The following CHN1 variants were observed in gnomAD, a reference collection of about 807,000 sequenced individuals.
CHN1 encodes the protein N-chimaerin.
CHN1 carries 37 observed loss-of-function variants against 59.5 expected under a neutral mutation model. The observed-to-expected ratio is 0.62, with a 90% CI of 0.48 to 0.82. The LOEUF (loss-of-function observed/expected upper bound fraction) is 0.82. Among genes scored for constraint, CHN1 ranks in the 40% least tolerant of loss-of-function variants. The probability of loss-of-function intolerance (pLI) is 0.00; values close to 1 mark genes in which losing one functional copy is unlikely to be tolerated. For missense variants in CHN1, 469 were observed against 571.0 expected, an observed-to-expected ratio of 0.82 and a Z score of 1.82; for synonymous variants, 206 against 200.4, an observed-to-expected ratio of 1.03 and a Z score of -0.24.
intron 1 of CHN1, among the ~76,000 whole-genome samples, chr2:174,956,253 T>C (rs985854617): frequency 3.3e-5 from 5 of 152,028 alleles, no homozygotes; most frequent in Non-Finnish European, 1.5e-5. Context: ...GAATTATCCT[T>C]CAAATCAGAA....
chr2:174,803,059 T>C (rs917400267), intron 11 of CHN1, among the ~76,000 whole-genome samples: 1 of 151,634 alleles, frequency 6.6e-6, no homozygotes, highest in Non-Finnish European at 1.5e-5. Flanking sequence ...TAAAAAAAGG[T>C]GGGTTTCAAG....
chr2:174,808,801 G>A (rs888250725), intron 11 of CHN1, 104 bp downstream of exon 11: 65 of 1,244,792 alleles, frequency 5.2e-5, no homozygotes, highest in Non-Finnish European at 6.5e-5. Context: ...GAGAGGCAAA[G>A]GGGAAACATT....
At chr2:174,955,155 T>TA (rs1491346069) in intron 1 of CHN1, among the ~76,000 whole-genome samples, 6 of 113,228 alleles carry the variant, frequency 5.3e-5, no homozygotes, top group African/African-American at 2.1e-4. Context: ...TCTATATATC[T>TA]ATGTCTATAT....
chr2:174,986,409 T>C (rs1691341948), intron 1 of CHN1, among the ~76,000 whole-genome samples: 2 of 152,312 alleles, frequency 1.3e-5, no homozygotes, highest in South Asian at 4.1e-4. Context: ...GTATGCCTAA[T>C]AACCAAAAGT....
At chr2:174,955,611 C>T (rs1462278120) in intron 1 of CHN1, among the ~76,000 whole-genome samples, 1 of 151,260 alleles carries the variant, frequency 6.6e-6, no homozygotes, top group East Asian at 1.9e-4. Context: ...CCAAACACCA[C>T]CTAAAAATCT....
chr2:174,883,795 T>TA (rs929459597), intron 5 of CHN1, among the ~76,000 whole-genome samples: 10 of 149,466 alleles, frequency 6.7e-5, no homozygotes, highest in South Asian at 4.2e-4. Flanking sequence ...TAGAATCCTG[T>TA]AAAAAAAAGG....
At chr2:174,851,747 A>G (rs1686735949) in intron 6 of CHN1, among the ~76,000 whole-genome samples, 1 of 152,236 alleles carries the variant, frequency 6.6e-6, no homozygotes, top group African/African-American at 2.4e-5. Context: ...AGGAAGTCCT[A>G]GCCAGAACAA....
intron 1 of CHN1, among the ~76,000 whole-genome samples, chr2:174,971,814 G>C (rs1189413727): frequency 6.6e-6 from 1 of 152,122 alleles, no homozygotes; most frequent in African/African-American, 2.4e-5. Context: ...TGCTAAGTTA[G>C]AAACAAGGCA....
At chr2:174,879,016 A>AAAGGCAAC (rs1427105459) in intron 5 of CHN1, among the ~76,000 whole-genome samples, 1 of 152,232 alleles carries the variant, frequency 6.6e-6, no homozygotes, top group Non-Finnish European at 1.5e-5. Context: ...GCAGATGTCA[A>AAAGGCAAC]AAGGCAACAA....
At chr2:174,955,173 T>C (rs1360784912) in intron 1 of CHN1, among the ~76,000 whole-genome samples, 2 of 11,884 alleles carry the variant, frequency 1.7e-4, no homozygotes, top group Non-Finnish European at 4.7e-4. Context: ...TATATCTCTA[T>C]ATATCTATAT....
intron 7 of CHN1, among the ~76,000 whole-genome samples, chr2:174,829,140 A>G (rs1685787757): frequency 6.6e-6 from 1 of 152,230 alleles, no homozygotes; most frequent in East Asian, 1.9e-4. Context: ...GAAAAAAAAG[A>G]CCATTTTATT....
chr2:174,819,170 A>T (rs920343717), intron 8 of CHN1, among the ~76,000 whole-genome samples: 1 of 152,238 alleles, frequency 6.6e-6, no homozygotes, highest in Admixed American at 6.5e-5. Context: ...ACTTTTAAGC[A>T]AGTCTTACCA....
intron 8 of CHN1, among the ~76,000 whole-genome samples, chr2:174,813,141 C>G (rs927780369): frequency 6.6e-6 from 1 of 152,126 alleles, no homozygotes; most frequent in Admixed American, 6.5e-5. Context: ...GAAACGGGTA[C>G]TTTTTTCCCT....
chr2:174,847,825 G>C (rs1686587355), intron 6 of CHN1: 1 of 459,908 alleles, frequency 2.2e-6, no homozygotes, highest in Non-Finnish European at 3.9e-6. Flanking sequence ...AATGAGAAAT[G>C]AATGAGTCAT....
At chr2:174,978,174 A>C (rs1009923420) in intron 1 of CHN1, among the ~76,000 whole-genome samples, 3 of 152,234 alleles carry the variant, frequency 2.0e-5, no homozygotes, top group Non-Finnish European at 4.4e-5. Flanking sequence ...TCCAGGATCC[A>C]ATCAAGGTTC....
At chr2:174,853,922 T>C (rs917115585) in intron 6 of CHN1, among the ~76,000 whole-genome samples, 6 of 152,038 alleles carry the variant, frequency 3.9e-5, no homozygotes, top group African/African-American at 7.2e-5. Context: ...TTGGGAACAA[T>C]AGATACTGTG....
At chr2:174,963,922 G>A (rs1328150394) in intron 1 of CHN1, among the ~76,000 whole-genome samples, 1 of 152,150 alleles carries the variant, frequency 6.6e-6, no homozygotes, top group Non-Finnish European at 1.5e-5. Flanking sequence ...TTCTGTGTGA[G>A]ACATTCTCCT....
chr2:174,941,145 CT>C (rs1289236184), intron 3 of CHN1, among the ~76,000 whole-genome samples: 1 of 152,126 alleles, frequency 6.6e-6, no homozygotes, highest in African/African-American at 2.4e-5. Context: ...TGGTAGGAAA[CT>C]TTCAAATAGG....
intron 5 of CHN1, among the ~76,000 whole-genome samples, chr2:174,908,941 T>C (rs1467964570): frequency 6.6e-6 from 1 of 152,200 alleles, no homozygotes; most frequent in Non-Finnish European, 1.5e-5. Flanking sequence ...ACCTTTAAAA[T>C]GCTGACCTAA....
Sources: allele counts gnomAD v4.1 joint callset (sites outside exome capture counted in the v4.1 genomes callset), GRCh38; gene constraint gnomAD v4.1.1; transcripts MANE v1.5; gene names NCBI Gene and HGNC (gene_info 2026-07-23, HGNC 2026-07-21).